Variants in PCDH15 observed in about 807,000 individuals in gnomAD.
The protein encoded by PCDH15 is protocadherin-15.
A neutral mutation model predicts 178.5 loss-of-function variants in PCDH15; 129 were observed. The observed-to-expected ratio is 0.72, with a 90% CI of 0.63 to 0.84. PCDH15 has a LOEUF of 0.84. PCDH15 is among the 40% of genes least tolerant of loss of function. The pLI, the probability that PCDH15 is intolerant of heterozygous loss-of-function variation, is 0.00. For missense variants in PCDH15, 2,230 were observed against 2,099.9 expected (o/e 1.06, Z -1.21); for synonymous variants, 800 against 732.0 (o/e 1.09, Z -1.50).
intron 9 of PCDH15, among the ~76,000 whole-genome samples, chr10:54,224,126 C>T (rs1032485168): frequency 1.3e-5 from 2 of 152,116 alleles, no homozygotes; most frequent in Non-Finnish European, 2.9e-5. Flanking sequence ...AAAGAGAACA[C>T]TGTCTTCTGG....
chr10:54,633,779 A>G (rs1034456736), intron 2 of PCDH15, among the ~76,000 whole-genome samples: 1 of 152,128 alleles, frequency 6.6e-6, no homozygotes, highest in Non-Finnish European at 1.5e-5. Flanking sequence ...CCCCAACCCA[A>G]TGCTAATGAA....
chr10:54,365,470 T>G (rs1946653721), intron 5 of PCDH15, among the ~76,000 whole-genome samples: 1 of 152,172 alleles, frequency 6.6e-6, no homozygotes, highest in South Asian at 2.1e-4. Flanking sequence ...ACTGAAAAAT[T>G]TTCTCTCAAT....
chr10:54,425,789 TG>T (rs1246242765), intron 3 of PCDH15, among the ~76,000 whole-genome samples: 1 of 152,162 alleles, frequency 6.6e-6, no homozygotes, highest in East Asian at 1.9e-4. Flanking sequence ...AACATAGGAA[TG>T]GATACTTAAC....
intron 30 of PCDH15, among the ~76,000 whole-genome samples, chr10:53,830,635 A>G (rs771582780): frequency 6.6e-6 from 1 of 152,182 alleles, no homozygotes; most frequent in Non-Finnish European, 1.5e-5. Flanking sequence ...TAAATTAGTG[A>G]TAATTACTTG....
chr10:54,078,960 T>C (rs542605602), intron 17 of PCDH15, among the ~76,000 whole-genome samples: 3 of 152,178 alleles, frequency 2.0e-5, no homozygotes, highest in African/African-American at 7.2e-5. Context: ...CCCTGACCCT[T>C]AAAAAAATGA....
At chr10:54,738,890 CTAAG>C (rs1944440039) in intron 1 of PCDH15, among the ~76,000 whole-genome samples, 1 of 151,874 alleles carries the variant, frequency 6.6e-6, no homozygotes, top group East Asian at 1.9e-4. Context: ...ACCTAACAAA[CTAAG>C]TATAAAAGAA....
At chr10:54,869,571 T>C (rs1293525335) in intron 3 of PCDH15, among the ~76,000 whole-genome samples, 2 of 152,188 alleles carry the variant, frequency 1.3e-5, no homozygotes, top group Non-Finnish European at 2.9e-5. Flanking sequence ...GTACTTTCTC[T>C]TGGAGCAAGT....
At chr10:53,927,060 C>T (rs1375721400) in intron 25 of PCDH15, among the ~76,000 whole-genome samples, 3 of 151,834 alleles carry the variant, frequency 2.0e-5, no homozygotes, top group African/African-American at 4.8e-5. Context: ...AGATGTGCCT[C>T]AAAAATAAAG....
chr10:55,410,180 A>G (rs1039375124), intron 2 of PCDH15, among the ~76,000 whole-genome samples: 7 of 152,142 alleles, frequency 4.6e-5, no homozygotes, highest in Non-Finnish European at 8.8e-5. Context: ...CAAAAATTAC[A>G]TATCACATAA....
At chr10:55,057,321 T>C (rs1841330466) in intron 2 of PCDH15, among the ~76,000 whole-genome samples, 1 of 152,152 alleles carries the variant, frequency 6.6e-6, no homozygotes, top group Non-Finnish European at 1.5e-5. Context: ...CAAAACAAAA[T>C]AAAACCAAAA....
At chr10:54,208,231 T>C (rs1166857906) in intron 10 of PCDH15, among the ~76,000 whole-genome samples, 1 of 152,040 alleles carries the variant, frequency 6.6e-6, no homozygotes, top group Non-Finnish European at 1.5e-5. Flanking sequence ...TGTGGGGTGA[T>C]TTTCTCTAAA....
chr10:54,934,704 T>C (rs1837861543), intron 2 of PCDH15, among the ~76,000 whole-genome samples: 1 of 151,254 alleles, frequency 6.6e-6, no homozygotes, highest in African/African-American at 2.4e-5. Flanking sequence ...AGAAATACCA[T>C]TTGACCCAGC....
chr10:54,134,625 C>T (rs971857667), intron 14 of PCDH15, among the ~76,000 whole-genome samples: 22 of 151,500 alleles, frequency 1.5e-4, no homozygotes, highest in African/African-American at 4.6e-4. Context: ...TGGTTGCGGG[C>T]GCCTGGGGTC....
At chr10:55,524,525 G>A (rs1841260209) in intron 2 of PCDH15, among the ~76,000 whole-genome samples, 1 of 151,386 alleles carries the variant, frequency 6.6e-6, no homozygotes, top group Non-Finnish European at 1.5e-5. Flanking sequence ...GTTCTTAAAT[G>A]TATTGCACCT....
At chr10:54,071,440 G>A (rs1219186954) in intron 17 of PCDH15, among the ~76,000 whole-genome samples, 2 of 152,034 alleles carry the variant, frequency 1.3e-5, no homozygotes, top group East Asian at 3.9e-4. Context: ...GATAAGAGAA[G>A]GGATGTTTGT....
chr10:54,445,930 A>G (rs1458364824), intron 3 of PCDH15, among the ~76,000 whole-genome samples: 1 of 151,524 alleles, frequency 6.6e-6, no homozygotes, highest in East Asian at 1.9e-4. Context: ...CAGTTTCTTC[A>G]GTGCTTTTTT....
Position 54,676,145 on chromosome 10 carries a change from T to C in PCDH15, c.-28-11855A>G, listed in dbSNP as rs1044614625. On this transcript the variant is annotated intron_variant, in intron 1 of 37. Coordinates refer to ENST00000644397, the MANE Select transcript of PCDH15 (RefSeq NM_001384140.1). ...TGTTTGTACATAAATATATACTTAT[T>C]ATAAAATAATATTTTAAATCGTCGA... 2.0e-5 allele frequency among the ~76,000 whole-genome samples: 3 copies of C among 152,126 alleles called. No homozygotes were observed. The South Asian group carries it at 6.2e-4, about 31-fold the overall frequency.
chr10:55,543,131 C>A (rs988330068), intron 2 of PCDH15, among the ~76,000 whole-genome samples: 66 of 144,688 alleles, frequency 4.6e-4, no homozygotes, highest in Non-Finnish European at 8.4e-4. Flanking sequence ...ATGTATGTGT[C>A]TATATAGGTA....
chr10:54,743,150 C>G (rs570070618), intron 1 of PCDH15, among the ~76,000 whole-genome samples: 18 of 151,970 alleles, frequency 1.2e-4, no homozygotes, highest in African/African-American at 4.3e-4. Flanking sequence ...AAGTGAAAAT[C>G]GGGATATATT....
Sources: gnomAD v4.1 joint callset for allele counts (sites outside exome capture counted in the v4.1 genomes callset) on GRCh38, gnomAD v4.1.1 for gene constraint, MANE v1.5 for transcripts, NCBI Gene and HGNC (gene_info 2026-07-23, HGNC 2026-07-21) for gene names.